Variants in ADAMTS12 observed in about 807,000 individuals in gnomAD.
The protein encoded by ADAMTS12 is ADAM metallopeptidase with thrombospondin type 1 motif 12.
A neutral mutation model predicts 167.8 loss-of-function variants in ADAMTS12; 118 were observed. The observed-to-expected ratio is 0.70, with a 90% CI of 0.61 to 0.82. The LOEUF is 0.82. Ranked by LOEUF, ADAMTS12 falls within the 40% of genes least tolerant of loss-of-function variation. The pLI is 0.00. For missense variants in ADAMTS12, 1,916 were observed against 1,998.8 expected (o/e 0.96, Z 0.79); for synonymous variants, 704 against 716.9 (o/e 0.98, Z 0.29).
intron 19 of ADAMTS12, among the ~76,000 whole-genome samples, chr5:33,573,734 A>T (rs1746515024): frequency 6.6e-6 from 1 of 152,224 alleles, no homozygotes; most frequent in Non-Finnish European, 1.5e-5. Context: ...ACAAAAGCCA[A>T]AATTGACAAA....
At chr5:33,528,960 G>A (rs917438743) in intron 23 of ADAMTS12, among the ~76,000 whole-genome samples, 2 of 152,148 alleles carry the variant, frequency 1.3e-5, no homozygotes, top group Admixed American at 6.5e-5. Context: ...CAGGAGAATC[G>A]CTTGAAACCG....
At chr5:33,695,680 C>T (rs778213985) in intron 3 of ADAMTS12, among the ~76,000 whole-genome samples, 1 of 152,018 alleles carries the variant, frequency 6.6e-6, no homozygotes, top group Non-Finnish European at 1.5e-5. Context: ...TGCTGGTTGC[C>T]TGAGGATGGG....
intron 3 of ADAMTS12, among the ~76,000 whole-genome samples, chr5:33,686,894 T>C (rs1484653566): frequency 6.7e-6 from 1 of 148,176 alleles, no homozygotes; most frequent in Non-Finnish European, 1.5e-5. Flanking sequence ...TGAATATATA[T>C]ACACATATTC....
At chr5:33,588,915 G>T in intron 17 of ADAMTS12, 106 bp from the exon 18 acceptor site, 1 of 1,348,434 alleles carries the variant, frequency 7.4e-7, no homozygotes, top group Non-Finnish European at 1.0e-6. Context: ...GGGCTGGAAG[G>T]GCCATGGAGA....
At chr5:33,625,314 ACAC>A (rs1354506887) in intron 13 of ADAMTS12, among the ~76,000 whole-genome samples, 2 of 152,162 alleles carry the variant, frequency 1.3e-5, no homozygotes, top group African/African-American at 4.8e-5. Context: ...AAAAAAAAAA[ACAC>A]CAAAATTTAA....
chr5:33,669,846 C>T (rs1012995483), intron 5 of ADAMTS12, among the ~76,000 whole-genome samples: 2 of 151,284 alleles, frequency 1.3e-5, no homozygotes, highest in African/African-American at 4.9e-5. Flanking sequence ...ATAGCTGGTA[C>T]AAAAATTAAC....
At chr5:33,792,906 G>A (rs543790824) in intron 2 of ADAMTS12, among the ~76,000 whole-genome samples, 2 of 152,362 alleles carry the variant, frequency 1.3e-5, no homozygotes, top group African/African-American at 4.8e-5. Context: ...GACTGGCACA[G>A]AAGTCAATCT....
At chr5:33,532,091 G>A (rs1228768847) in intron 23 of ADAMTS12, among the ~76,000 whole-genome samples, 1 of 152,180 alleles carries the variant, frequency 6.6e-6, no homozygotes, top group African/African-American at 2.4e-5. Flanking sequence ...CAACTTGGAG[G>A]GGAGATCCCA....
At chr5:33,741,927 TG>T (rs2112373234) in intron 3 of ADAMTS12, among the ~76,000 whole-genome samples, 1 of 152,286 alleles carries the variant, frequency 6.6e-6, no homozygotes, top group East Asian at 1.9e-4. Context: ...GTGGCTTATT[TG>T]GGGGGAACAT....
intron 3 of ADAMTS12, among the ~76,000 whole-genome samples, chr5:33,743,915 T>C (rs1048833338): frequency 2.0e-5 from 3 of 152,224 alleles, no homozygotes; most frequent in African/African-American, 7.2e-5. Context: ...AAGTTGCAAC[T>C]ACTGCTGGTT....
intron 16 of ADAMTS12, among the ~76,000 whole-genome samples, chr5:33,598,375 C>T (rs2112042026): frequency 6.6e-6 from 1 of 152,282 alleles, no homozygotes; most frequent in East Asian, 1.9e-4. Flanking sequence ...TTTATCAATT[C>T]ATTTCTTATC....
At chr5:33,538,526 T>C (rs962256242) in intron 22 of ADAMTS12, among the ~76,000 whole-genome samples, 1 of 152,152 alleles carries the variant, frequency 6.6e-6, no homozygotes, top group Non-Finnish European at 1.5e-5. Flanking sequence ...TCAGTGCCCA[T>C]ATCTGGACAA....
At chr5:33,863,921 C>A (rs1053051222) in intron 2 of ADAMTS12, among the ~76,000 whole-genome samples, 2 of 152,164 alleles carry the variant, frequency 1.3e-5, no homozygotes, top group African/African-American at 2.4e-5. Context: ...ACCATCTGAT[C>A]TTTGATGAAT....
intron 3 of ADAMTS12, among the ~76,000 whole-genome samples, chr5:33,684,279 C>G (rs1281799323): frequency 2.7e-5 from 4 of 150,832 alleles, no homozygotes; most frequent in African/African-American, 9.7e-5. Flanking sequence ...ATGTTTCTTA[C>G]CTATTACATT....
chr5:33,682,686 T>G (rs1742169244), intron 5 of ADAMTS12, among the ~76,000 whole-genome samples: 1 of 152,216 alleles, frequency 6.6e-6, no homozygotes, highest in African/African-American at 2.4e-5. Context: ...CATGTCTTTC[T>G]TACCTTTTAC....
chr5:33,807,993 G>A (rs1363873017), intron 2 of ADAMTS12, among the ~76,000 whole-genome samples: 2 of 152,168 alleles, frequency 1.3e-5, no homozygotes, highest in Non-Finnish European at 1.5e-5. Context: ...ATTGGAATGC[G>A]TGCAGGATGA....
intron 2 of ADAMTS12, among the ~76,000 whole-genome samples, chr5:33,858,288 T>C (rs185796841): frequency 1.3e-5 from 2 of 152,196 alleles, no homozygotes; most frequent in Admixed American, 1.3e-4. Context: ...GAAATCAAAA[T>C]GTAACATATC....
chr5:33,665,990 A>G (rs1741450853), intron 5 of ADAMTS12, among the ~76,000 whole-genome samples: 1 of 152,200 alleles, frequency 6.6e-6, no homozygotes, highest in Non-Finnish European at 1.5e-5. Context: ...CATCCTCTCC[A>G]TTTACATAGG....
At chr5:33,653,505 GT>G (rs1740939534) in intron 7 of ADAMTS12, among the ~76,000 whole-genome samples, 1 of 152,050 alleles carries the variant, frequency 6.6e-6, no homozygotes, top group Non-Finnish European at 1.5e-5. Context: ...TCTGAAATTA[GT>G]GCCAGGGTAA....
Sources: gnomAD v4.1 joint callset for allele counts (sites outside exome capture counted in the v4.1 genomes callset) on GRCh38, gnomAD v4.1.1 for gene constraint, MANE v1.5 for transcripts, NCBI Gene and HGNC (gene_info 2026-07-23, HGNC 2026-07-21) for gene names.